The following NOL4L variants were observed in gnomAD, a reference collection of about 807,000 sequenced individuals.
The protein encoded by NOL4L is nucleolar protein 4 like, also known as nucleolar protein 4-like.
In NOL4L, 7 loss-of-function variants were observed where a neutral mutation model predicts 64.5. The observed-to-expected ratio is 0.11, with a 90% CI of 0.06 to 0.20. NOL4L has a LOEUF of 0.20. Ranked by LOEUF, NOL4L falls within the 10% of genes least tolerant of loss-of-function variation. The pLI is 1.00. For missense variants in NOL4L, 680 were observed against 967.1 expected (o/e 0.70, Z 3.94); for synonymous variants, 413 against 401.0 (o/e 1.03, Z -0.36).
At chr20:32,486,725 C>T (rs1383381235) in intron 4 of NOL4L, 9 of 471,100 alleles carry the variant, frequency 1.9e-5, no homozygotes, top group South Asian at 1.4e-4. Flanking sequence ...CAGACACTTC[C>T]CAATCAAGTC....
chr20:32,531,775 G>T (rs1025160969), intron 1 of NOL4L, among the ~76,000 whole-genome samples: 4 of 152,188 alleles, frequency 2.6e-5, no homozygotes, highest in African/African-American at 9.7e-5. Context: ...CTTGGTTAAT[G>T]TTCATCTCTT....
intron 10 of NOL4L, chr20:32,451,626 G>A (rs752308517): frequency 1.3e-5 from 2 of 152,380 alleles, no homozygotes; most frequent in Non-Finnish European, 2.9e-5. Flanking sequence ...CAGGAGCGGA[G>A]CGAGGGAGCA....
chr20:32,510,498 G>A (rs973805417), intron 4 of NOL4L: 6 of 160,530 alleles, frequency 3.7e-5, no homozygotes, highest in Admixed American at 5.9e-5. Flanking sequence ...CAGGACGGCC[G>A]CACCCAGGGC....
Position 32,447,584 on chromosome 20 carries a change from G to T in NOL4L, c.*12C>A. 1 of 1,584,898 alleles carries T rather than the reference G, an allele frequency of 6.3e-7. No individual in the cohort carries two copies. The highest frequency in any genetic ancestry group is 8.5e-7 in the Non-Finnish European group (1 of 1,169,858). Reference sequence around the variant, plus strand: ...CCTTCCCTAGGGCAGTGCGCTCCAGGTGCCGGTGGGGTCAGTTCTGCTGTA... The same window carrying T: ...CCTTCCCTAGGGCAGTGCGCTCCAGTTGCCGGTGGGGTCAGTTCTGCTGTA... On this transcript the variant is annotated 3_prime_UTR_variant, in exon 11 of 11. Coordinates refer to ENST00000621426, the MANE Select transcript of NOL4L (RefSeq NM_001256798.2).
At chr20:32,536,541 C>T (rs1279655603) in intron 1 of NOL4L, 1 of 27,006 alleles carries the variant, frequency 3.7e-5, no homozygotes, top group African/African-American at 1.6e-4. Context: ...GCGTGCGCCC[C>T]GGCGGGGAGG....
intron 4 of NOL4L, among the ~76,000 whole-genome samples, chr20:32,503,900 A>G (rs1402994431): frequency 6.6e-6 from 1 of 151,710 alleles, no homozygotes; most frequent in Non-Finnish European, 1.5e-5. Context: ...CTCTTTTTTA[A>G]TTTTCCTTTT....
intron 5 of NOL4L, among the ~76,000 whole-genome samples, chr20:32,471,156 C>T (rs2014984723): frequency 6.6e-6 from 1 of 152,200 alleles, no homozygotes; most frequent in Non-Finnish European, 1.5e-5. Context: ...ACCTCAGAGG[C>T]AAGCTCCCGG....
At chr20:32,574,993 C>A (rs1281158760) in intron 1 of NOL4L, among the ~76,000 whole-genome samples, 1 of 152,198 alleles carries the variant, frequency 6.6e-6, no homozygotes, top group Non-Finnish European at 1.5e-5. Flanking sequence ...CTAGCCCCAG[C>A]CACTCAACCG....
At chr20:32,570,858 ACACT>A (rs1176540491) in intron 1 of NOL4L, among the ~76,000 whole-genome samples, 21 of 152,234 alleles carry the variant, frequency 1.4e-4, no homozygotes, top group Admixed American at 1.4e-3. Flanking sequence ...ATGATGGCCA[ACACT>A]CACCGAGCAC....
At chr20:32,476,274 C>T (rs2015393305) in intron 4 of NOL4L, among the ~76,000 whole-genome samples, 1 of 150,700 alleles carries the variant, frequency 6.6e-6, no homozygotes, top group South Asian at 2.1e-4. Context: ...AAAGGGACAA[C>T]AAAACTCTCC....
intron 5 of NOL4L, among the ~76,000 whole-genome samples, chr20:32,468,763 G>A (rs1291503024): frequency 6.6e-6 from 1 of 152,078 alleles, no homozygotes; most frequent in Admixed American, 6.5e-5. Flanking sequence ...GCCAGGCGTG[G>A]TGGTGCACGC....
At chr20:32,561,218 C>T (rs1323159344) in intron 1 of NOL4L, 1 of 152,304 alleles carries the variant, frequency 6.6e-6, no homozygotes, top group East Asian at 1.9e-4. Flanking sequence ...AGCCCCCTGT[C>T]ACCAGGGACC....
chr20:32,497,189 C>T (rs980394797), intron 4 of NOL4L, among the ~76,000 whole-genome samples: 2 of 152,040 alleles, frequency 1.3e-5, no homozygotes, highest in Non-Finnish European at 1.5e-5. Flanking sequence ...GCTGCTGAAG[C>T]GTCTGAAACC....
intron 4 of NOL4L, among the ~76,000 whole-genome samples, chr20:32,495,683 C>A (rs2016659731): frequency 1.3e-5 from 2 of 152,122 alleles, no homozygotes; most frequent in African/African-American, 4.8e-5. Context: ...AGTTAGATGG[C>A]TGGGGCGCAG....
intron 1 of NOL4L, among the ~76,000 whole-genome samples, chr20:32,562,948 G>C (rs1568715140): frequency 7.7e-5 from 5 of 64,522 alleles, no homozygotes; most frequent in Admixed American, 1.4e-4. Flanking sequence ...GGGTGGAGGG[G>C]AGGGAGGGTG....
intron 10 of NOL4L, among the ~76,000 whole-genome samples, chr20:32,448,775 G>T (rs193045411): frequency 6.6e-6 from 1 of 152,330 alleles, no homozygotes; most frequent in African/African-American, 2.4e-5. Flanking sequence ...GGAGGGGACC[G>T]CCAGGCCCTG....
chr20:32,520,671 C>G (rs1249474837), intron 3 of NOL4L, 140 bp downstream of exon 3: 15 of 525,024 alleles, frequency 2.9e-5, no homozygotes, highest in Non-Finnish European at 4.5e-5. Context: ...TTGGGCAGCA[C>G]CACGGACCCA....
At chr20:32,500,597 G>A (rs1224588445) in intron 4 of NOL4L, among the ~76,000 whole-genome samples, 1 of 144,244 alleles carries the variant, frequency 6.9e-6, no homozygotes, top group African/African-American at 2.6e-5. Context: ...GGATGGTCTC[G>A]ATCCGATATT....
chr20:32,485,820 G>A (rs1352401172), intron 4 of NOL4L: 1 of 468,066 alleles, frequency 2.1e-6, no homozygotes, highest in Non-Finnish European at 4.4e-6. Context: ...CATTTTCAGA[G>A]ACCTTTGACT....
Sources: allele counts gnomAD v4.1 joint callset (sites outside exome capture counted in the v4.1 genomes callset), GRCh38; gene constraint gnomAD v4.1.1; transcripts MANE v1.5; gene names NCBI Gene and HGNC (gene_info 2026-07-23, HGNC 2026-07-21).